Variants in UPRT observed in about 807,000 individuals in gnomAD.
UPRT encodes uracil phosphoribosyltransferase homolog.
A neutral mutation model predicts 22.6 loss-of-function variants in UPRT; 5 were observed. The ratio of observed to expected loss-of-function variants is 0.22; its 90% confidence interval spans 0.12 to 0.47. The LOEUF (loss-of-function observed/expected upper bound fraction) is 0.47. UPRT is among the 20% of genes least tolerant of loss of function. The pLI is 0.99. For missense variants in UPRT, 181 were observed against 239.9 expected, an observed-to-expected ratio of 0.75 and a Z score of 1.62; for synonymous variants, 77 against 87.7, an observed-to-expected ratio of 0.88 and a Z score of 0.68.
At position 75,258,514 on chromosome X, in the gene UPRT, A is replaced by G. The variant is rs745751469; in HGVS notation, c.-446-32510A>G. On this transcript the variant is annotated intron_variant, in intron 4 of 13. Coordinates refer to the UPRT transcript ENST00000652605. ...TGTAAACAAAGCCACGAGGAAGTTC[A>G]AACTGGGTGGAGCCAATGGCAGCTC... Among the ~76,000 whole-genome samples, 3 of 111,508 alleles carry G rather than the reference A, an allele frequency of 2.7e-5. No individual in the cohort carries two copies. In the East Asian group the frequency reaches 8.6e-4, roughly 32 times the overall value.
chrX:75,247,740 C>T (rs897814521), intron 4 of UPRT, among the ~76,000 whole-genome samples: 11 of 112,151 alleles, frequency 9.8e-5, no homozygotes, highest in Non-Finnish European at 1.7e-4. Flanking sequence ...TCTCACAGCA[C>T]GCAGCTTGAG....
chrX:75,168,420 T>C (rs1396068172), intron 4 of UPRT, among the ~76,000 whole-genome samples: 1 of 76,021 alleles, frequency 1.3e-5, no homozygotes, highest in African/African-American at 5.3e-5. Flanking sequence ...TTTCTTTTTT[T>C]GGGTGGGGGC....
intron 6 of UPRT, among the ~76,000 whole-genome samples, chrX:75,301,399 A>G (rs1024801825): frequency 7.1e-5 from 8 of 112,103 alleles, no homozygotes; most frequent in African/African-American, 2.3e-4. Context: ...CAAAGGGCAG[A>G]GAGAACTGTG....
rs553958380 is a variant in UPRT, at chrX:75,172,833, A to C, written c.-447+4954A>C. ...CAGGAGTGAAGCTGCAGATTTTCGC[A>C]GTGAGTGTTACAGCTCATAAAAGCA... On this transcript the variant is annotated intron_variant, in intron 4 of 13. Coordinates refer to the UPRT transcript ENST00000652605. Among the ~76,000 whole-genome samples the C allele has an allele frequency of 3.6e-5, 4 of 110,952 alleles. No homozygotes were observed. In the South Asian group the frequency reaches 1.6e-3, roughly 43 times the overall value.
intron 4 of UPRT, among the ~76,000 whole-genome samples, chrX:75,228,771 A>C (rs950606543): frequency 7.2e-5 from 8 of 111,839 alleles, no homozygotes; most frequent in East Asian, 2.8e-4. Flanking sequence ...CCTTTTAGAC[A>C]TTGTACTTTC....
At chrX:75,237,282 T>G (rs968688978) in intron 4 of UPRT, among the ~76,000 whole-genome samples, 3 of 111,644 alleles carry the variant, frequency 2.7e-5, no homozygotes, top group African/African-American at 9.8e-5. Flanking sequence ...TGGCAATCAT[T>G]AAAAAGTCAG....
At chrX:75,185,032 C>T (rs2082284904) in intron 4 of UPRT, among the ~76,000 whole-genome samples, 1 of 111,222 alleles carries the variant, frequency 9.0e-6, no homozygotes, top group Non-Finnish European at 1.9e-5. Flanking sequence ...TGCCTGATTG[C>T]CCTGGCCAGA....
rs754340980 is a variant in UPRT, at chrX:75,191,425, G to A, written c.-447+23546G>A. ...TCCCAGTTAGGCTACTCGGGGGTGA[G>A]GGACCCACTTGAGGAGGCAGTCTGT... is the stretch of plus-strand genomic sequence containing the variant. On this transcript the variant is annotated intron_variant, in intron 4 of 13. Coordinates refer to the UPRT transcript ENST00000652605. Among the ~76,000 whole-genome samples, 31 of 111,626 alleles carry A rather than the reference G, an allele frequency of 2.8e-4. No individual in the cohort carries two copies. In the South Asian group the frequency reaches 8.1e-3, roughly 29 times the overall value.
chrX:75,186,796 C>T (rs372908157), intron 4 of UPRT, among the ~76,000 whole-genome samples: 82 of 109,676 alleles, frequency 7.5e-4, no homozygotes, highest in African/African-American at 2.0e-3. Flanking sequence ...TTGTCTCTTT[C>T]GATCTTTGTT....
intron 4 of UPRT, among the ~76,000 whole-genome samples, chrX:75,222,617 C>T (rs982255416): frequency 9.0e-6 from 1 of 111,385 alleles, no homozygotes; most frequent in Non-Finnish European, 1.9e-5. Context: ...ATGGCCACCA[C>T]CCCACAGGCC....
At chrX:75,191,104 TGGTTTTATCTACC>T (rs1297949930) in intron 4 of UPRT, among the ~76,000 whole-genome samples, 2 of 112,028 alleles carry the variant, frequency 1.8e-5, no homozygotes, top group Non-Finnish European at 3.8e-5. Context: ...CCCATCTTTG[TGGTTTTATCTACC>T]TTTGATCTTT....
chrX:75,172,706 T>C (rs765986924), intron 4 of UPRT, among the ~76,000 whole-genome samples: 6 of 110,102 alleles, frequency 5.4e-5, no homozygotes, highest in African/African-American at 2.0e-4. Context: ...CTCGCTGGCT[T>C]AGGAGTGAAG....
At chrX:75,185,846 T>G (rs1290166080) in intron 4 of UPRT, among the ~76,000 whole-genome samples, 1 of 111,782 alleles carries the variant, frequency 8.9e-6, no homozygotes, top group Non-Finnish European at 1.9e-5. Context: ...TAGTTTGTAT[T>G]TCTGTGGGAT....
chrX:75,178,504 C>T (rs763216698), intron 4 of UPRT, among the ~76,000 whole-genome samples: 11 of 111,638 alleles, frequency 9.9e-5, no homozygotes, highest in East Asian at 2.8e-4. Context: ...AGAATGAAGC[C>T]GCGGACCCTC....
chrX:75,203,347 CG>C (rs751710501), intron 4 of UPRT, among the ~76,000 whole-genome samples: 2 of 110,805 alleles, frequency 1.8e-5, no homozygotes, highest in Admixed American at 1.9e-4. Context: ...CAATAATAGT[CG>C]GAGACTTTAA....
At chrX:75,265,994 T>C (rs1037267638) in intron 4 of UPRT, among the ~76,000 whole-genome samples, 4 of 111,060 alleles carry the variant, frequency 3.6e-5, no homozygotes, top group African/African-American at 1.3e-4. Flanking sequence ...GAATCAATAT[T>C]GTGAAAATGG....
At chrX:75,160,541 AT>A (rs1452567956) in intron 1 of UPRT, among the ~76,000 whole-genome samples, 1 of 111,712 alleles carries the variant, frequency 9.0e-6, no homozygotes, top group Non-Finnish European at 1.9e-5. Context: ...TTGTTTATTT[AT>A]TTTTTAGAGA....
intron 3 of UPRT, among the ~76,000 whole-genome samples, chrX:75,167,237 TG>T (rs1167666290): frequency 1.8e-5 from 2 of 112,217 alleles, no homozygotes; most frequent in Non-Finnish European, 3.8e-5. Context: ...TATCAGTAAT[TG>T]GGGTATCCTC....
intron 4 of UPRT, among the ~76,000 whole-genome samples, chrX:75,248,324 G>T (rs945526956): frequency 9.0e-6 from 1 of 111,308 alleles, no homozygotes; most frequent in Non-Finnish European, 1.9e-5. Flanking sequence ...AAAATTAGAC[G>T]AATGGCTAAC....
Sources: gnomAD v4.1 joint callset for allele counts (sites outside exome capture counted in the v4.1 genomes callset) on GRCh38, gnomAD v4.1.1 for gene constraint, MANE v1.5 for transcripts, NCBI Gene and HGNC (gene_info 2026-07-23, HGNC 2026-07-21) for gene names.